The following HAPLN1 variants were observed in gnomAD, a reference collection of about 807,000 sequenced individuals.
HAPLN1 encodes hyaluronan and proteoglycan link protein 1.
Under a neutral mutation model 36.5 loss-of-function variants are expected in HAPLN1, and 13 were observed. The observed-to-expected ratio is 0.36, with a 90% CI of 0.23 to 0.57. The LOEUF (loss-of-function observed/expected upper bound fraction) is 0.57. Ranked by LOEUF, HAPLN1 falls within the 20% of genes least tolerant of loss-of-function variation. HAPLN1 has a pLI of 0.83. For synonymous variants in HAPLN1, 202 were observed against 169.8 expected (o/e 1.19, Z -1.48); for missense variants, 407 against 439.7 (o/e 0.93, Z 0.66).
chr5:83,683,040 GA>G (rs1751043967), intron 1 of HAPLN1, among the ~76,000 whole-genome samples: 1 of 152,082 alleles, frequency 6.6e-6, no homozygotes, highest in Admixed American at 6.5e-5. Flanking sequence ...CTTTTATGAA[GA>G]ACAAAAGATT....
chr5:83,695,861 A>G (rs1295727197), intron 1 of HAPLN1, among the ~76,000 whole-genome samples: 2 of 151,946 alleles, frequency 1.3e-5, no homozygotes, highest in Middle Eastern at 3.2e-3. Flanking sequence ...AAAACCAGAA[A>G]AAAGGCAAGC....
intron 2 of HAPLN1, among the ~76,000 whole-genome samples, chr5:83,658,088 CAATT>C (rs1750273155): frequency 6.6e-6 from 1 of 151,946 alleles, no homozygotes; most frequent in Non-Finnish European, 1.5e-5. Flanking sequence ...GACATAGACT[CAATT>C]GTCAGCTCCA....
intron 1 of HAPLN1, among the ~76,000 whole-genome samples, chr5:83,717,907 T>TA (rs1214524089): frequency 1.3e-5 from 2 of 152,292 alleles, no homozygotes; most frequent in Admixed American, 1.3e-4. Context: ...TCCAATTTAA[T>TA]AAAAAAATCA....
At chr5:83,719,316 G>A (rs568278239) in intron 1 of HAPLN1, among the ~76,000 whole-genome samples, 4 of 152,212 alleles carry the variant, frequency 2.6e-5, no homozygotes, top group Admixed American at 6.5e-5. Context: ...CATTCCTCCT[G>A]TAGAGCAGTG....
At chr5:83,658,774 C>T (rs559026929) in intron 2 of HAPLN1, among the ~76,000 whole-genome samples, 2 of 152,142 alleles carry the variant, frequency 1.3e-5, no homozygotes, top group Admixed American at 6.5e-5. Context: ...TGCCCACCCC[C>T]ATCCATGCTA....
At chr5:83,674,915 G>GTT (rs1388547317) in intron 1 of HAPLN1, 1 of 152,152 alleles carries the variant, frequency 6.6e-6, no homozygotes, top group Non-Finnish European at 1.5e-5. Context: ...AGTCTTTCAC[G>GTT]TTTGCTTTAA....
At chr5:83,657,263 T>C (rs1290483129) in intron 2 of HAPLN1, among the ~76,000 whole-genome samples, 2 of 152,016 alleles carry the variant, frequency 1.3e-5, no homozygotes, top group South Asian at 4.1e-4. Flanking sequence ...ACCCTGCTAA[T>C]TTTTTGTATT....
chr5:83,649,443 T>TTTTG (rs934564120), intron 3 of HAPLN1, among the ~76,000 whole-genome samples: 16 of 152,250 alleles, frequency 1.1e-4, no homozygotes, highest in Non-Finnish European at 2.1e-4. Context: ...TCTGGTTTTT[T>TTTTG]TTTGTTTGTT....
intron 1 of HAPLN1, among the ~76,000 whole-genome samples, chr5:83,675,104 T>TTTG (rs978841361): frequency 2.0e-5 from 3 of 152,182 alleles, no homozygotes; most frequent in Admixed American, 1.3e-4. Flanking sequence ...AATGCTTATT[T>TTTG]TTGTTGTTGT....
chr5:83,645,471 C>CTTTTTTTTTTTTTTTTTTTTTT (rs1423821503), intron 3 of HAPLN1, among the ~76,000 whole-genome samples: 2 of 20,320 alleles, frequency 9.8e-5, no homozygotes, highest in Admixed American at 7.4e-4. Context: ...TTTTCTTTTT[C>CTTTTTTTTTTTTTTTTTTTTTT]TTTCTTTTTT....
intron 1 of HAPLN1, among the ~76,000 whole-genome samples, chr5:83,678,603 C>T (rs1750918253): frequency 6.6e-6 from 1 of 152,090 alleles, no homozygotes; most frequent in Non-Finnish European, 1.5e-5. Flanking sequence ...CTCAAAGCAT[C>T]ACTCTGGGTC....
intron 1 of HAPLN1, among the ~76,000 whole-genome samples, chr5:83,686,636 A>T (rs35404215): frequency 0.075 from 11,455 of 152,180 alleles, 539 homozygotes; most frequent in African/African-American, 0.11. Context: ...ATTGTAATAC[A>T]TCAAATTCAA....
chr5:83,718,073 C>CA (rs770967822), intron 1 of HAPLN1, among the ~76,000 whole-genome samples: 2 of 152,188 alleles, frequency 1.3e-5, no homozygotes, highest in Non-Finnish European at 2.9e-5. Flanking sequence ...AGTCCTTGAA[C>CA]AATTCCATGA....
intron 1 of HAPLN1, among the ~76,000 whole-genome samples, chr5:83,689,585 T>C (rs1292546212): frequency 6.6e-6 from 1 of 152,064 alleles, no homozygotes; most frequent in Non-Finnish European, 1.5e-5. Context: ...CAGGCTGCAG[T>C]GGAATGATAA....
chr5:83,666,235 A>T (rs1750547526), intron 2 of HAPLN1, among the ~76,000 whole-genome samples: 1 of 152,170 alleles, frequency 6.6e-6, no homozygotes, highest in South Asian at 2.1e-4. Context: ...TAAAGCTATT[A>T]TTTCTTGATA....
intron 1 of HAPLN1, among the ~76,000 whole-genome samples, chr5:83,683,484 C>T (rs1751051236): frequency 6.6e-6 from 1 of 152,148 alleles, no homozygotes; most frequent in Admixed American, 6.5e-5. Context: ...TGAGCAATTA[C>T]ATAAAAGACT....
intron 1 of HAPLN1, among the ~76,000 whole-genome samples, chr5:83,706,042 T>G (rs1361604396): frequency 6.6e-6 from 1 of 150,440 alleles, no homozygotes; most frequent in Non-Finnish European, 1.5e-5. Flanking sequence ...AATAAACTGA[T>G]TCCCTGAAAA....
rs539790396 is a variant in HAPLN1, at chr5:83,688,642, CTT to C, written c.-26-15095_-26-15094del. ...TATTTGCCAAATGCAGCTTTTGATTCTTTTTTTTTTTTTTTTTTTTTTTTTTT... is the reference window on the plus strand; with the variant it reads ...TATTTGCCAAATGCAGCTTTTGATTCTTTTTTTTTTTTTTTTTTTTTTTTT... On this transcript the variant is annotated intron_variant, in intron 1 of 4. Coordinates refer to ENST00000274341, the MANE Select transcript of HAPLN1 (RefSeq NM_001884.4). Among the ~76,000 whole-genome samples the C allele has an allele frequency of 8.0e-3, 648 of 80,508 alleles. No individual in the cohort carries two copies. In the East Asian group the frequency reaches 0.097, roughly 12 times the overall value. 52.8% of individuals were successfully genotyped at this position (80,508 alleles called of 152,430 possible). A position where few individuals can be genotyped will look rare whatever the true frequency, so the allele number is the denominator to read the frequency against.
At chr5:83,688,755 T>C (rs751513203) in intron 1 of HAPLN1, among the ~76,000 whole-genome samples, 1 of 143,806 alleles carries the variant, frequency 7.0e-6, no homozygotes, top group Non-Finnish European at 1.5e-5. Context: ...ACAATAACTC[T>C]AGAAAATGAT....
Sources: allele counts gnomAD v4.1 joint callset (sites outside exome capture counted in the v4.1 genomes callset), GRCh38; gene constraint gnomAD v4.1.1; transcripts MANE v1.5; gene names NCBI Gene and HGNC (gene_info 2026-07-23, HGNC 2026-07-21).